Variants in CUX1 observed in about 807,000 individuals in gnomAD.
CUX1 encodes cut like homeobox 1.
CUX1 carries 31 observed loss-of-function variants against 158.8 expected under a neutral mutation model. The ratio of observed to expected loss-of-function variants is 0.20; its 90% confidence interval spans 0.15 to 0.26. The LOEUF (loss-of-function observed/expected upper bound fraction) is 0.26. Ranked by LOEUF, CUX1 falls within the 10% of genes least tolerant of loss-of-function variation. CUX1 has a pLI of 1.00. For missense variants in CUX1, 1,589 were observed against 2,014.6 expected (o/e 0.79, Z 4.04); for synonymous variants, 879 against 862.1 (o/e 1.02, Z -0.34).
At chr7:101,943,489 G>A (rs1002769364) in intron 2 of CUX1, among the ~76,000 whole-genome samples, 19 of 151,946 alleles carry the variant, frequency 1.3e-4, no homozygotes, top group East Asian at 1.2e-3. Flanking sequence ...CCCGCGCGGC[G>A]GCGGCTGACG....
At chr7:101,995,339 A>T (rs1441836277) in intron 2 of CUX1, among the ~76,000 whole-genome samples, 1 of 152,222 alleles carries the variant, frequency 6.6e-6, no homozygotes. Context: ...GTTCCCAGTC[A>T]CAAAGCACGC....
upstream of CUX1, among the ~76,000 whole-genome samples, chr7:101,816,319 C>T (rs1487328087): frequency 1.4e-5 from 2 of 145,166 alleles, no homozygotes; most frequent in Non-Finnish European, 3.1e-5. Context: ...TTCAATTCAT[C>T]GATCAGCCCA....
intron 12 of CUX1, among the ~76,000 whole-genome samples, chr7:102,193,040 A>T (rs1794445351): frequency 6.6e-6 from 1 of 152,168 alleles, no homozygotes; most frequent in African/African-American, 2.4e-5. Context: ...CATCTTTGTC[A>T]TTGCACTCCT....
chr7:102,060,019 T>C (rs1185287968), intron 3 of CUX1, among the ~76,000 whole-genome samples: 1 of 152,098 alleles, frequency 6.6e-6, no homozygotes, highest in Non-Finnish European at 1.5e-5. Flanking sequence ...CTCACGCCTG[T>C]AATCCCAGCA....
chr7:101,965,298 G>A (rs1811036547), intron 2 of CUX1, among the ~76,000 whole-genome samples: 1 of 152,090 alleles, frequency 6.6e-6, no homozygotes, highest in Admixed American at 6.6e-5. Flanking sequence ...TCCTTCCTTT[G>A]TTCCTCCCTA....
chr7:101,868,907 T>G (rs1013407655), intron 1 of CUX1, among the ~76,000 whole-genome samples: 3 of 151,990 alleles, frequency 2.0e-5, no homozygotes, highest in Admixed American at 6.6e-5. Context: ...GAGGACTGAA[T>G]CTGAACGGGA....
chr7:101,991,281 G>A (rs1395308794), intron 2 of CUX1, among the ~76,000 whole-genome samples: 3 of 152,230 alleles, frequency 2.0e-5, no homozygotes, highest in Admixed American at 2.0e-4. Flanking sequence ...GCAGCATAGC[G>A]GATGAGTTCT....
intron 1 of CUX1, among the ~76,000 whole-genome samples, chr7:101,818,423 C>T (rs538731995): frequency 1.3e-5 from 2 of 152,278 alleles, no homozygotes; most frequent in African/African-American, 4.8e-5. Context: ...TTAAAGCATC[C>T]TGGCAAAATT....
chr7:102,012,545 T>C (rs1335084014), intron 2 of CUX1, among the ~76,000 whole-genome samples: 1 of 152,064 alleles, frequency 6.6e-6, no homozygotes, highest in Admixed American at 6.6e-5. Context: ...TGGGGGAATA[T>C]GATAATGAAA....
chr7:102,255,235 A>G lies in CUX1; in HGVS notation c.*6193A>G. ...CCTCTCCCACCACCACCTTCCCTCC[A>G]AAGATAACCGTGTCCATGCCATCCG... On this transcript the variant is annotated 3_prime_UTR_variant, in exon 24 of 24. Coordinates refer to ENST00000292535, the MANE Select transcript of CUX1 (RefSeq NM_181552.4). 5.1e-6 allele frequency: 5 copies of G among 985,428 alleles called. No homozygotes were observed. The highest frequency in any genetic ancestry group is 6.0e-6 in the Non-Finnish European group (5 of 829,948). 61.0% of individuals were successfully genotyped at this position (985,428 alleles called of 1,614,324 possible).
chr7:102,047,966 T>C (rs1823017736), intron 3 of CUX1, among the ~76,000 whole-genome samples: 2 of 152,220 alleles, frequency 1.3e-5, no homozygotes, highest in Admixed American at 1.3e-4. Flanking sequence ...AGTTTGTTGC[T>C]GGATGTGGAG....
chr7:102,116,280 C>A (rs1238247794), intron 8 of CUX1, among the ~76,000 whole-genome samples: 3 of 151,978 alleles, frequency 2.0e-5, no homozygotes, highest in Non-Finnish European at 2.9e-5. Context: ...TGCTCTGGGT[C>A]ATTTAGTAGC....
chr7:102,072,841 T>C (rs1324673268), intron 4 of CUX1, among the ~76,000 whole-genome samples: 2 of 152,192 alleles, frequency 1.3e-5, no homozygotes, highest in Non-Finnish European at 2.9e-5. Context: ...CTGGACTATG[T>C]CATGTCCATA....
chr7:101,927,068 G>T (rs1805674518), intron 2 of CUX1, among the ~76,000 whole-genome samples: 1 of 152,078 alleles, frequency 6.6e-6, no homozygotes, highest in South Asian at 2.1e-4. Context: ...TCAAGGATGG[G>T]CGAAGGTACT....
chr7:102,062,455 T>C (rs1225605967), intron 3 of CUX1, among the ~76,000 whole-genome samples: 2 of 152,232 alleles, frequency 1.3e-5, no homozygotes, highest in South Asian at 2.1e-4. Flanking sequence ...GTTTTTATAC[T>C]ATCATAAGCG....
At chr7:101,950,697 A>T (rs1370344564) in intron 2 of CUX1, among the ~76,000 whole-genome samples, 1 of 152,188 alleles carries the variant, frequency 6.6e-6, no homozygotes, top group African/African-American at 2.4e-5. Context: ...TGCAAAACTT[A>T]AAATATATTT....
In CUX1 at chr7:102,160,892, T is replaced by C. The variant is rs1343828831; in HGVS notation, c.723+2284T>C. On this transcript the variant is annotated intron_variant, in intron 9 of 23. Transcript: ENST00000292535. ...ACAACCACGTAAACGTCCTTGACGCTACTGAAAAGTACGCTAATGGTTAAG... is the reference window on the plus strand; with the variant it reads ...ACAACCACGTAAACGTCCTTGACGCCACTGAAAAGTACGCTAATGGTTAAG... 2.0e-5 allele frequency among the ~76,000 whole-genome samples: 3 copies of C among 152,208 alleles called. No individual in the cohort carries two copies. In the East Asian group the frequency reaches 5.8e-4, roughly 29 times the overall value.
intron 1 of CUX1, among the ~76,000 whole-genome samples, chr7:101,901,667 A>T (rs1330913054): frequency 6.6e-6 from 1 of 151,522 alleles, no homozygotes. Flanking sequence ...GTTCCCAGGG[A>T]CCCCCCAAAG....
At chr7:102,158,805 A>G (rs189535623) in intron 9 of CUX1, among the ~76,000 whole-genome samples, 197 bp downstream of exon 9, 1 of 152,350 alleles carries the variant, frequency 6.6e-6, no homozygotes, top group Non-Finnish European at 1.5e-5. Context: ...TTTCCTTGGC[A>G]AAGTCTTTGA....
Sources: gnomAD v4.1 joint callset for allele counts (sites outside exome capture counted in the v4.1 genomes callset) on GRCh38, gnomAD v4.1.1 for gene constraint, MANE v1.5 for transcripts, NCBI Gene and HGNC (gene_info 2026-07-23, HGNC 2026-07-21) for gene names.